Variants in SLC28A1 observed in about 807,000 individuals in gnomAD.
SLC28A1 encodes sodium/nucleoside cotransporter 1.
A neutral mutation model predicts 74.8 loss-of-function variants in SLC28A1; 64 were observed. That is an observed-to-expected ratio of 0.86 (90% CI 0.70 to 1.05). The LOEUF (loss-of-function observed/expected upper bound fraction) is 1.05. Ranked by LOEUF, SLC28A1 falls within the 50% of genes least tolerant of loss-of-function variation. The pLI, the probability that SLC28A1 is intolerant of heterozygous loss-of-function variation, is 0.00. For missense variants in SLC28A1, 828 were observed against 822.8 expected (o/e 1.01, Z -0.08); for synonymous variants, 359 against 335.0 (o/e 1.07, Z -0.78).
the SLC28A1 span, among the ~76,000 whole-genome samples, chr15:84,972,719 C>T: frequency 6.6e-6 from 1 of 152,242 alleles, no homozygotes; most frequent in Non-Finnish European, 1.5e-5. Flanking sequence ...AAGACATTCT[C>T]CAATTTCCAC....
intron 4 of SLC28A1, among the ~76,000 whole-genome samples, chr15:84,890,019 A>G (rs943146495): frequency 6.6e-6 from 1 of 151,852 alleles, no homozygotes; most frequent in African/African-American, 2.4e-5. Flanking sequence ...TGTTTTTGGT[A>G]GAGAAGGGGT....
intron 3 of SLC28A1, 120 bp from the exon 4 acceptor site, chr15:84,888,652 C>T (rs1045005959): frequency 7.0e-6 from 5 of 711,270 alleles, no homozygotes; most frequent in Admixed American, 2.0e-5. Flanking sequence ...TAATTCCTCC[C>T]TGTGCCCCAG....
At position 84,893,069 on chromosome 15, in the gene SLC28A1, AC is replaced by A. The variant is rs548907004; in HGVS notation, c.278-1864del. ...TGAGTCCCCATCCTGGCCTGCCCAG[AC>A]CCCCCCAGCCTTCCTGGCCCGCCCC... On this transcript the variant is annotated intron_variant, in intron 5 of 18. Coordinates refer to ENST00000394573, the MANE Select transcript of SLC28A1 (RefSeq NM_004213.5). Among the ~76,000 whole-genome samples, 7 of 147,420 alleles carry A rather than the reference AC, an allele frequency of 4.7e-5. No individual in the cohort carries two copies. In the East Asian group the frequency reaches 1.2e-3, roughly 25 times the overall value.
intron 9 of SLC28A1, among the ~76,000 whole-genome samples, chr15:84,912,925 C>T (rs550187280): frequency 8.6e-5 from 13 of 151,326 alleles, no homozygotes; most frequent in East Asian, 1.9e-4. Context: ...GCATGGTTTT[C>T]GGTGAAGGGA....
At chr15:84,895,297 G>A (rs956799750) in intron 6 of SLC28A1, 174 bp downstream of exon 6, 34 of 1,595,470 alleles carry the variant, frequency 2.1e-5, no homozygotes, top group Non-Finnish European at 2.8e-5. Context: ...CATCTTTGTG[G>A]TGTTTCACCA....
intron 9 of SLC28A1, among the ~76,000 whole-genome samples, chr15:84,909,122 C>T (rs1297056274): frequency 6.6e-6 from 1 of 152,110 alleles, no homozygotes; most frequent in Admixed American, 6.5e-5. Flanking sequence ...ATGGGGACAG[C>T]TCCTGCTGAG....
At chr15:84,896,536 G>T (rs971338378) in intron 6 of SLC28A1, among the ~76,000 whole-genome samples, 3 of 152,124 alleles carry the variant, frequency 2.0e-5, no homozygotes, top group Non-Finnish European at 4.4e-5. Flanking sequence ...TAGGCTGGCC[G>T]GGCACGGTGG....
chr15:84,946,184 G>A (rs1455602821), downstream of SLC28A1, among the ~76,000 whole-genome samples: 6 of 133,158 alleles, frequency 4.5e-5, no homozygotes, highest in Non-Finnish European at 6.2e-5. Flanking sequence ...CAGACTCCTG[G>A]ACTCAAGTAG....
Position 84,904,158 on chromosome 15 carries a change from C to T in SLC28A1, c.523C>T (p.Arg175Trp), listed in dbSNP as rs375816790. Residue 175 changes from arginine to tryptophan, a missense_variant, in exon 7 of 19, where the codon CGG becomes TGG. By Grantham distance (101) the Arg-to-Trp change is moderately radical. Transcript: ENST00000394573. The part of the protein sequence containing the change: ...VLWLSLDTSQ[R>W]PEQLVSFAGI... ...GTGGCTGTCTCTGGACACCTCCCAG[C>T]GGCCTGAGCAACTGGTGTCCTTCGC... The T allele has an allele frequency of 1.4e-5, 22 of 1,614,204 alleles. No individual in the cohort carries two copies. The highest frequency in any genetic ancestry group is 3.3e-5 in the Admixed American group (2 of 60,028).
At chr15:84,895,370 C>G (rs1469076715) in intron 6 of SLC28A1, 15 of 1,613,880 alleles carry the variant, frequency 9.3e-6, no homozygotes, top group Non-Finnish European at 1.3e-5. Context: ...ACAGTTTCCT[C>G]CATTCAGGGA....
chr15:84,915,968 T>A (rs992498310), intron 9 of SLC28A1, among the ~76,000 whole-genome samples: 6 of 151,956 alleles, frequency 3.9e-5, no homozygotes, highest in Non-Finnish European at 8.8e-5. Flanking sequence ...CTTCTTATTA[T>A]TATTATTATT....
intron 6 of SLC28A1, chr15:84,895,486 A>G: frequency 6.2e-7 from 1 of 1,606,294 alleles, no homozygotes; most frequent in Non-Finnish European, 8.5e-7. Flanking sequence ...GGGATTCAGC[A>G]GGCTCGATCG....
At chr15:84,925,127 G>A (rs1970357116) in intron 12 of SLC28A1, among the ~76,000 whole-genome samples, 1 of 134,682 alleles carries the variant, frequency 7.4e-6, no homozygotes, top group Non-Finnish European at 1.5e-5. Context: ...CACCATGTTG[G>A]CCAGGATGGT....
chr15:84,931,333 T>C (rs1971245770), intron 12 of SLC28A1, among the ~76,000 whole-genome samples: 2 of 152,196 alleles, frequency 1.3e-5, no homozygotes, highest in Admixed American at 6.5e-5. Context: ...CTATTTTGCT[T>C]TTTGTTTATT....
At chr15:84,961,679 C>G in the SLC28A1 span, 3 of 332,748 alleles carry the variant, frequency 9.0e-6, no homozygotes, top group South Asian at 4.6e-5. Flanking sequence ...ACTAAGATTC[C>G]GAGACTGTTA....
At chr15:84,916,865 T>G (rs867404838) in intron 9 of SLC28A1, among the ~76,000 whole-genome samples, 4 of 151,800 alleles carry the variant, frequency 2.6e-5, no homozygotes, top group South Asian at 2.1e-4. Context: ...TTGTCTCTAC[T>G]AAAAATACAA....
intron 9 of SLC28A1, among the ~76,000 whole-genome samples, chr15:84,914,536 G>T (rs528555011): frequency 3.7e-4 from 57 of 152,314 alleles, no homozygotes; most frequent in Admixed American, 1.6e-3. Context: ...GTGACCTCGG[G>T]TGGGTAGCCA....
chr15:84,957,030 T>A, the SLC28A1 span, among the ~76,000 whole-genome samples: 779 of 151,902 alleles, frequency 5.1e-3, 4 homozygotes, highest in African/African-American at 0.017. Flanking sequence ...CTTAGATTTC[T>A]TTTTAACTGT....
At position 84,895,163 on chromosome 15, in the gene SLC28A1, C is replaced by T. The variant is rs757920815; in HGVS notation, c.461+40C>T. The stretch of plus-strand genomic sequence containing the variant: ...AGCCCCGAGGCAGGGCAGGGGAGGG[C>T]CCATGAGCTGAGGGGTTGGCTCCAG... On this transcript the variant is annotated intron_variant, in intron 6 of 18. Coordinates refer to ENST00000394573, the MANE Select transcript of SLC28A1 (RefSeq NM_004213.5). 4 of 1,609,534 alleles carry T rather than the reference C, an allele frequency of 2.5e-6. No homozygotes were observed. The African/African-American group carries it at 5.3e-5, about 22-fold the overall frequency.
Sources: gnomAD v4.1 joint callset for allele counts (sites outside exome capture counted in the v4.1 genomes callset) on GRCh38, gnomAD v4.1.1 for gene constraint, MANE v1.5 for transcripts, NCBI Gene and HGNC (gene_info 2026-07-23, HGNC 2026-07-21) for gene names.